ALMS1: variants seen among roughly 807,000 people sequenced by gnomAD.
ALMS1 encodes ALMS1 centrosome and basal body associated protein.
Under a neutral mutation model 352.2 loss-of-function variants are expected in ALMS1, and 271 were observed. That is an observed-to-expected ratio of 0.77 (90% confidence interval 0.70 to 0.85). The LOEUF is 0.85. ALMS1 is among the 40% of genes least tolerant of loss of function. ALMS1 has a pLI of 0.00. For missense variants in ALMS1, 5,445 were observed against 4,870.7 expected, an observed-to-expected ratio of 1.12 and a Z score of -3.51; for synonymous variants, 1,865 against 1,761.2, an observed-to-expected ratio of 1.06 and a Z score of -1.48.
At chr2:73,552,324 A>G (rs887673058) in intron 13 of ALMS1, among the ~76,000 whole-genome samples, 1 of 152,240 alleles carries the variant, frequency 6.6e-6, no homozygotes, top group Non-Finnish European at 1.5e-5. Context: ...AAAAGAAATA[A>G]TTTTACAAAA....
At chr2:73,486,154 A>C (rs1672838580) in intron 9 of ALMS1, among the ~76,000 whole-genome samples, 1 of 151,624 alleles carries the variant, frequency 6.6e-6, no homozygotes, top group South Asian at 2.1e-4. Flanking sequence ...TACTGTTGTG[A>C]ATTGTATATA....
At chr2:73,516,874 A>G (rs1028134045) in intron 10 of ALMS1, among the ~76,000 whole-genome samples, 1 of 152,116 alleles carries the variant, frequency 6.6e-6, no homozygotes, top group Non-Finnish European at 1.5e-5. Context: ...TCCCTCAAGC[A>G]TTAGTTATTA....
rs755559102 is a variant in ALMS1 at position 73,573,436 on chromosome 2, C to A, written c.11547+12C>A. On this transcript the variant is annotated intron_variant, in intron 16 of 22. Transcript: ENST00000613296. ...GGAGACACATCCAGGTACATGGCTA[C>A]AGATTCCATCTGGCAATGTGACTGC... 3.7e-6 allele frequency: 6 copies of A among 1,613,608 alleles called. No homozygotes were observed. The highest frequency in any genetic ancestry group is 5.1e-6 in the Non-Finnish European group (6 of 1,179,720).
intron 16 of ALMS1, among the ~76,000 whole-genome samples, chr2:73,596,247 T>G (rs992099202): frequency 2.6e-5 from 4 of 152,228 alleles, no homozygotes; most frequent in African/African-American, 9.6e-5. Context: ...TTTTAATTAT[T>G]ATGTTTAGGT....
At chr2:73,545,520 A>G (rs1361378310) in intron 12 of ALMS1, among the ~76,000 whole-genome samples, 1 of 152,228 alleles carries the variant, frequency 6.6e-6, no homozygotes, top group Non-Finnish European at 1.5e-5. Context: ...AGTTAAAAAA[A>G]CTTAAGAAGT....
At chr2:73,458,893 T>A (rs1339064957) in intron 9 of ALMS1, 1 of 152,200 alleles carries the variant, frequency 6.6e-6, no homozygotes. Context: ...GGGGATTGTT[T>A]CTGGAATGCA....
Position 73,491,165 on chromosome 2 carries a change from A to T in ALMS1, c.9206A>T (p.His3069Leu). 1 of 1,614,186 alleles carries T rather than the reference A, an allele frequency of 6.2e-7. No homozygotes were observed. The highest frequency in any genetic ancestry group is 8.5e-7 in the Non-Finnish European group (1 of 1,180,006). ...LDSGTLDERF[H>L]SLDAASKARM... ...AGTGGAACTTTAGATGAAAGATTCC[A>T]TTCATTGGATGCTGCTTCTAAAGCG... The change falls in exon 10 of 23, where the codon CAT (histidine) becomes CTT (leucine). Residue 3069 changes from histidine (H) to leucine (L), a missense_variant. Transcript: ENST00000613296.
At chr2:73,472,512 G>T (rs1672488546) in intron 9 of ALMS1, among the ~76,000 whole-genome samples, 3 of 152,004 alleles carry the variant, frequency 2.0e-5, no homozygotes, top group Non-Finnish European at 4.4e-5. Flanking sequence ...ATAATATGGT[G>T]GAGTAGGGAA....
chr2:73,413,663 A>C (rs1671123834), intron 2 of ALMS1, among the ~76,000 whole-genome samples: 1 of 152,144 alleles, frequency 6.6e-6, no homozygotes, highest in Non-Finnish European at 1.5e-5. Flanking sequence ...GCTTTTTCAG[A>C]AGTTTTGTAG....
chr2:73,402,331 C>T (rs1252177178), intron 1 of ALMS1, among the ~76,000 whole-genome samples: 11 of 140,408 alleles, frequency 7.8e-5, no homozygotes, highest in African/African-American at 1.4e-4. Flanking sequence ...TGGAGTACAG[C>T]GGTGTGTTCT....
intron 9 of ALMS1, among the ~76,000 whole-genome samples, chr2:73,486,033 C>T (rs1672835232): frequency 6.6e-6 from 1 of 152,152 alleles, no homozygotes; most frequent in Non-Finnish European, 1.5e-5. Flanking sequence ...TCACCGTCTT[C>T]TGCGTGGCTC....
intron 21 of ALMS1, among the ~76,000 whole-genome samples, chr2:73,604,282 T>C (rs182281459): frequency 6.8e-4 from 103 of 152,340 alleles, no homozygotes; most frequent in African/African-American, 2.4e-3. Context: ...TCTGTAATCC[T>C]ACCTACTCAG....
chr2:73,609,869 T>C lies in ALMS1; in HGVS notation c.*257T>C. 4.2e-6 allele frequency: 2 copies of C among 478,096 alleles called. No individual in the cohort carries two copies. Among genetic ancestry groups the C allele is most frequent in the Admixed American group, 3.4e-5 (1 of 29,700 alleles). 29.6% of individuals were successfully genotyped at this position (478,096 alleles called of 1,614,324 possible). A position where few individuals can be genotyped will look rare whatever the true frequency, so the allele number is the denominator to read the frequency against. On this transcript the variant is annotated 3_prime_UTR_variant, in exon 23 of 23. Coordinates refer to ENST00000613296, the MANE Select transcript of ALMS1 (RefSeq NM_001378454.1). ...TGATCATTTCTCAAGAATAAGTCCC[T>C]TTTTGTATGTGTTTTTATACTTTTA...
intron 13 of ALMS1, among the ~76,000 whole-genome samples, chr2:73,556,295 T>C (rs1674540451): frequency 6.6e-6 from 1 of 152,146 alleles, no homozygotes; most frequent in Admixed American, 6.5e-5. Context: ...TTAAAAGAGG[T>C]AGCAAGAGTT....
chr2:73,467,822 A>G (rs1672388117), intron 9 of ALMS1, among the ~76,000 whole-genome samples: 1 of 152,072 alleles, frequency 6.6e-6, no homozygotes, highest in South Asian at 2.1e-4. Context: ...TGGTTAGCAA[A>G]AAAGCCAGAC....
rs749308845 is a variant in ALMS1 at position 73,563,745 on chromosome 2, AAT to A, written c.10384+4605_10384+4606del. On this transcript the variant is annotated intron_variant, in intron 15 of 22. Coordinates refer to ENST00000613296, the MANE Select transcript of ALMS1 (RefSeq NM_001378454.1). ...CTCAAAAAAAAAAAAAAAAAATAAA[AAT>A]AAAAAATGAAGGTATGGAATTATAT... Among the ~76,000 whole-genome samples, 33 of 54,552 alleles carry A rather than the reference AAT, an allele frequency of 6.0e-4. 2 individuals carry two copies. Among genetic ancestry groups the A allele is most frequent in the Admixed American group, 1.6e-3 (11 of 6,948 alleles). The allele number at this position is 54,552 out of a possible 152,430, so 35.8% of individuals were successfully genotyped here.
intron 16 of ALMS1, among the ~76,000 whole-genome samples, chr2:73,575,220 T>A (rs755314767): frequency 6.6e-6 from 1 of 152,208 alleles, no homozygotes; most frequent in Non-Finnish European, 1.5e-5. Flanking sequence ...AGAATTGATA[T>A]AGAACGTTTG....
rs528100188 is a variant in ALMS1, at chr2:73,533,962, C to T, written c.9782-862C>T. Among the ~76,000 whole-genome samples, 12 of 152,130 alleles carry T rather than the reference C, an allele frequency of 7.9e-5. 1 individual carries two copies. The highest frequency in any genetic ancestry group is 2.9e-4 in the African/African-American group (12 of 41,520). On this transcript the variant is annotated intron_variant, in intron 11 of 22. Transcript: ENST00000613296. The stretch of plus-strand genomic sequence containing the variant: ...GGTGATGGGGGAGAATAAGTATAAA[C>T]AGGAAAATCTTTATTCACAGAATTC...
In ALMS1 at chr2:73,573,438, G is replaced by C; in HGVS notation, c.11547+14G>C. 2 of 1,613,540 alleles carry C rather than the reference G, an allele frequency of 1.2e-6. No individual in the cohort carries two copies. The highest frequency in any genetic ancestry group is 2.2e-5 in the South Asian group (2 of 91,026). On this transcript the variant is annotated intron_variant, in intron 16 of 22. Transcript: ENST00000613296. ...AGACACATCCAGGTACATGGCTACAGATTCCATCTGGCAATGTGACTGCCC... is the reference window on the plus strand; with the variant it reads ...AGACACATCCAGGTACATGGCTACACATTCCATCTGGCAATGTGACTGCCC...
Sources: allele counts gnomAD v4.1 joint callset (sites outside exome capture counted in the v4.1 genomes callset), GRCh38; gene constraint gnomAD v4.1.1; transcripts MANE v1.5; gene names NCBI Gene and HGNC (gene_info 2026-07-23, HGNC 2026-07-21).